TMX4: variants seen among roughly 807,000 people sequenced by gnomAD.
TMX4 encodes the protein thioredoxin-related transmembrane protein 4.
In TMX4, 23 loss-of-function variants were observed where a neutral mutation model predicts 33.3. The observed-to-expected ratio is 0.69, with a 90% CI of 0.50 to 0.98. The LOEUF (loss-of-function observed/expected upper bound fraction) is 0.98. TMX4 is among the 50% of genes least tolerant of loss of function. TMX4 has a pLI of 0.00. For missense variants in TMX4, 399 were observed against 448.9 expected, an observed-to-expected ratio of 0.89 and a Z score of 1.01; for synonymous variants, 164 against 161.5, an observed-to-expected ratio of 1.02 and a Z score of -0.12.
chr20:7,989,784 G>A (rs2050646435), intron 5 of TMX4, among the ~76,000 whole-genome samples: 1 of 152,150 alleles, frequency 6.6e-6, no homozygotes, highest in Non-Finnish European at 1.5e-5. Flanking sequence ...CAAAGGAATA[G>A]CTTATTAAAT....
intron 1 of TMX4, among the ~76,000 whole-genome samples, chr20:8,017,406 T>A (rs1267708096): frequency 6.6e-6 from 1 of 152,222 alleles, no homozygotes; most frequent in Non-Finnish European, 1.5e-5. Context: ...ACTGGACACA[T>A]GACAAACTCA....
intron 5 of TMX4, among the ~76,000 whole-genome samples, chr20:7,991,532 G>A (rs550655103): frequency 6.6e-6 from 1 of 152,212 alleles, no homozygotes; most frequent in African/African-American, 2.4e-5. Context: ...TCACGTTGGT[G>A]CTCAAACAGT....
Position 8,019,443 on chromosome 20 carries a change from C to A in TMX4, c.171G>T (p.Leu57=). The A allele has an allele frequency of 1.3e-6, 2 of 1,517,390 alleles. No homozygotes were observed. Among genetic ancestry groups the A allele is most frequent in the Non-Finnish European group, 1.8e-6 (2 of 1,131,962 alleles). 94.0% of individuals were successfully genotyped at this position (1,517,390 alleles called of 1,614,324 possible). A position where few individuals can be genotyped will look rare whatever the true frequency, so the allele number is the denominator to read the frequency against. ...WTLVMEGEWM[L]KFYAPWCPSC... ...GGGCGGGCGGGCACACTCACAATTT[C>A]AGCATCCACTCGCCCTCCATCACCA... Residue 57 remains leucine (L), a synonymous_variant, in exon 1 of 8, where the codon CTG becomes CTT. Transcript: ENST00000246024.
Position 8,010,184 on chromosome 20 carries a change from G to T in TMX4, c.292+16C>A, listed in dbSNP as rs6140496. Reference sequence around the variant, plus strand: ...GTCGGTAAACTTTTGCATTTTATGTGCAACATTCACAGTACCTGGTTCTTG... The same window carrying T: ...GTCGGTAAACTTTTGCATTTTATGTTCAACATTCACAGTACCTGGTTCTTG... On this transcript the variant is annotated intron_variant, in intron 2 of 7. Transcript: ENST00000246024. The T allele has an allele frequency of 0.076, 118,409 of 1,566,418 alleles. 9,546 individuals carry two copies. Among genetic ancestry groups the T allele is most frequent in the East Asian group, 0.53 (22,871 of 43,512 alleles).
chr20:8,002,657 C>T (rs1209895169), intron 2 of TMX4, among the ~76,000 whole-genome samples: 1 of 152,178 alleles, frequency 6.6e-6, no homozygotes, highest in Non-Finnish European at 1.5e-5. Flanking sequence ...AATTAAGTTG[C>T]TCAAATCACA....
chr20:7,991,115 A>G (rs2050652739), intron 5 of TMX4, among the ~76,000 whole-genome samples: 1 of 152,242 alleles, frequency 6.6e-6, no homozygotes, highest in East Asian at 1.9e-4. Flanking sequence ...TTTTAAATAA[A>G]GCCTTAAGTT....
Position 8,019,679 on chromosome 20 carries a change from C to G in TMX4, c.-66G>C. 3 of 1,244,470 alleles carry G rather than the reference C, an allele frequency of 2.4e-6. No homozygotes were observed. The South Asian group carries it at 8.6e-5, about 36-fold the overall frequency. The allele number at this position is 1,244,470 out of a possible 1,614,324, so 77.1% of individuals were successfully genotyped here. A position where few individuals can be genotyped will look rare whatever the true frequency, so the allele number is the denominator to read the frequency against. ...AAGGGCAGCGGCCGGCCCGCAGCCT[C>G]GCTCGCCCGCCGGGTTTTTCAAGGA... On this transcript the variant is annotated 5_prime_UTR_variant, in exon 1 of 8. Coordinates refer to ENST00000246024, the MANE Select transcript of TMX4 (RefSeq NM_021156.4).
Position 7,979,174 on chromosome 20 carries a change from C to G in TMX4, c.*3077G>C, listed in dbSNP as rs16994277. On this transcript the variant is annotated 3_prime_UTR_variant, in exon 8 of 8. Transcript: ENST00000246024. ...ACAGAAAAAATCCACAAACTCTTAT[C>G]GAAATGTTCATATAAAGTTTAAATT... 6.6e-6 allele frequency: 1 copy of G among 151,628 alleles called. No homozygotes were observed. Among genetic ancestry groups the G allele is most frequent in the African/African-American group, 2.4e-5 (1 of 41,256 alleles). 9.4% of individuals were successfully genotyped at this position (151,628 alleles called of 1,614,324 possible).
chr20:8,012,669 A>G (rs1157815020), intron 1 of TMX4, among the ~76,000 whole-genome samples: 1 of 152,100 alleles, frequency 6.6e-6, no homozygotes, highest in East Asian at 1.9e-4. Flanking sequence ...TATAAATCAC[A>G]GGCACATTTG....
At chr20:8,014,465 G>A (rs2050764549) in intron 1 of TMX4, among the ~76,000 whole-genome samples, 1 of 152,086 alleles carries the variant, frequency 6.6e-6, no homozygotes, top group Admixed American at 6.6e-5. Flanking sequence ...AGTATTTTTT[G>A]AACACAAACT....
intron 5 of TMX4, among the ~76,000 whole-genome samples, chr20:7,994,921 G>T (rs545503598): frequency 1.3e-5 from 2 of 152,278 alleles, no homozygotes; most frequent in South Asian, 4.1e-4. Context: ...AAACTATCTG[G>T]AGAGGGGGAA....
chr20:7,983,858 C>T lies in TMX4; in HGVS notation c.616-1G>A. 3 of 1,612,398 alleles carry T rather than the reference C, an allele frequency of 1.9e-6. No individual in the cohort carries two copies. The highest frequency in any genetic ancestry group is 2.5e-6 in the Non-Finnish European group (3 of 1,179,318). ...AACATTCTGATATTACCACCAAGAC[C>T]TGGAAGGAAAAAAGTGATTTTACAG... On this transcript the variant is annotated splice_acceptor_variant, in intron 6 of 7. Coordinates refer to ENST00000246024, the MANE Select transcript of TMX4 (RefSeq NM_021156.4). LOFTEE classifies it high-confidence loss of function.
At chr20:8,008,273 A>G (rs926942220) in intron 2 of TMX4, among the ~76,000 whole-genome samples, 1 of 152,156 alleles carries the variant, frequency 6.6e-6, no homozygotes, top group African/African-American at 2.4e-5. Context: ...CTGCCTATAA[A>G]AAATTGTTCA....
chr20:7,994,076 T>C (rs189128573), intron 5 of TMX4, among the ~76,000 whole-genome samples: 12 of 152,282 alleles, frequency 7.9e-5, no homozygotes, highest in Admixed American at 6.5e-4. Flanking sequence ...AAAACTATTT[T>C]ACAATTATAC....
intron 5 of TMX4, among the ~76,000 whole-genome samples, chr20:7,989,431 A>C (rs1483932410): frequency 6.6e-6 from 1 of 152,190 alleles, no homozygotes. Flanking sequence ...AAACTTTCTA[A>C]ATTATTTTTA....
chr20:8,012,298 G>A (rs2050756132), intron 1 of TMX4, among the ~76,000 whole-genome samples: 1 of 152,108 alleles, frequency 6.6e-6, no homozygotes, highest in Admixed American at 6.5e-5. Flanking sequence ...TTAGGTTACT[G>A]AGAGATCAGA....
intron 1 of TMX4, among the ~76,000 whole-genome samples, chr20:8,018,405 G>A (rs866242322): frequency 1.3e-3 from 46 of 34,728 alleles, no homozygotes; most frequent in East Asian, 8.6e-3. Context: ...AGGGAGGGAG[G>A]GAGAGAGAGA....
chr20:7,983,730 G>A, intron 7 of TMX4, 64 bp downstream of exon 7: 2 of 1,378,252 alleles, frequency 1.5e-6, no homozygotes, highest in Non-Finnish European at 2.0e-6. Context: ...ATCTATATGA[G>A]CACAAAAAGG....
At chr20:8,008,862 A>G (rs2050740927) in intron 2 of TMX4, among the ~76,000 whole-genome samples, 1 of 152,204 alleles carries the variant, frequency 6.6e-6, no homozygotes, top group South Asian at 2.1e-4. Flanking sequence ...TAGATGGAGG[A>G]CAATGCTTAC....
Sources: allele counts gnomAD v4.1 joint callset (sites outside exome capture counted in the v4.1 genomes callset), GRCh38; gene constraint gnomAD v4.1.1; transcripts MANE v1.5; gene names NCBI Gene and HGNC (gene_info 2026-07-23, HGNC 2026-07-21).